Variants in TADA2A observed in about 807,000 individuals in gnomAD.
The protein encoded by TADA2A is transcriptional adaptor 2A.
Under a neutral mutation model 67.4 loss-of-function variants are expected in TADA2A, and 38 were observed. The observed-to-expected ratio is 0.56, with a 90% CI of 0.44 to 0.74. The LOEUF (loss-of-function observed/expected upper bound fraction) is 0.74. TADA2A is among the 30% of genes least tolerant of loss of function. TADA2A has a pLI of 0.00. For synonymous variants in TADA2A, 192 were observed against 181.6 expected (o/e 1.06, Z -0.46); for missense variants, 454 against 547.0 (o/e 0.83, Z 1.70).
At chr17:37,413,753 C>A (rs924952970) in intron 2 of TADA2A, among the ~76,000 whole-genome samples, 18 of 151,914 alleles carry the variant, frequency 1.2e-4, no homozygotes, top group African/African-American at 2.7e-4. Context: ...ATTCCCCCCC[C>A]ACCCCCTGCC....
chr17:37,457,384 T>C (rs1252944512), intron 8 of TADA2A, among the ~76,000 whole-genome samples: 1 of 151,732 alleles, frequency 6.6e-6, no homozygotes, highest in Admixed American at 6.6e-5. Context: ...TTTCACCATA[T>C]TGGCCAGGCT....
chr17:37,455,673 G>A (rs983616658), intron 8 of TADA2A, among the ~76,000 whole-genome samples: 22 of 152,144 alleles, frequency 1.4e-4, no homozygotes, highest in African/African-American at 3.4e-4. Flanking sequence ...GAGCCACTGC[G>A]CCTGGCCGCT....
intron 9 of TADA2A, 192 bp from the exon 10 acceptor site, chr17:37,461,886 C>T (rs1357602332): frequency 3.9e-6 from 2 of 508,400 alleles, no homozygotes; most frequent in African/African-American, 4.0e-5. Context: ...GAGGAAAAAC[C>T]CGTGATGCCT....
chr17:37,439,908 T>G (rs1208924131), intron 5 of TADA2A, among the ~76,000 whole-genome samples: 1 of 91,314 alleles, frequency 1.1e-5, no homozygotes, highest in Non-Finnish European at 2.0e-5. Flanking sequence ...CCAGTCATCT[T>G]TATTTATTTA....
At chr17:37,449,611 C>A (rs1257011905) in intron 8 of TADA2A, among the ~76,000 whole-genome samples, 2 of 138,698 alleles carry the variant, frequency 1.4e-5, no homozygotes, top group Admixed American at 8.0e-5. Context: ...GCTGTCTTTA[C>A]AATCTTGATT....
rs1181872839 is a variant in TADA2A at position 37,421,844 on chromosome 17, A to G, written c.26-1665A>G. Among the ~76,000 whole-genome samples, 3 of 32,696 alleles carry G rather than the reference A, an allele frequency of 9.2e-5. 1 individual carries two copies. Among genetic ancestry groups the G allele is most frequent in the African/African-American group, 3.1e-4 (1 of 3,196 alleles). The allele number at this position is 32,696 out of a possible 152,430, so 21.4% of individuals were successfully genotyped here. A position where few individuals can be genotyped will look rare whatever the true frequency, so the allele number is the denominator to read the frequency against. ...GCCCCAACTTTTTATAGAAAAGTCA[A>G]AAGAACAGTACAATGATGATGATGT... On this transcript the variant is annotated intron_variant, in intron 2 of 15. Transcript: ENST00000615182.
chr17:37,429,470 C>G (rs193133991), intron 4 of TADA2A, among the ~76,000 whole-genome samples: 1 of 151,836 alleles, frequency 6.6e-6, no homozygotes, highest in Admixed American at 6.6e-5. Flanking sequence ...AAAATAGAGA[C>G]AGGGTTTCTC....
intron 7 of TADA2A, among the ~76,000 whole-genome samples, chr17:37,444,200 A>C (rs536714231): frequency 1.1e-4 from 17 of 150,484 alleles, no homozygotes; most frequent in Non-Finnish European, 1.3e-4. Flanking sequence ...TCGAGGCTGC[A>C]GTGAGCCAAG....
chr17:37,471,158 A>AAC (rs1200348456), intron 14 of TADA2A, 21 bp downstream of exon 14: 1 of 1,612,868 alleles, frequency 6.2e-7, no homozygotes, highest in African/African-American at 1.3e-5. Context: ...CTCAGGCCAG[A>AAC]ACAAGTCTTA....
chr17:37,442,725 C>A, intron 7 of TADA2A, 73 bp downstream of exon 7: 1 of 1,352,804 alleles, frequency 7.4e-7, no homozygotes, highest in Admixed American at 1.9e-5. Flanking sequence ...CTGTCTCACC[C>A]ATAGATTCCA....
chr17:37,418,407 T>G (rs904340873), intron 2 of TADA2A, among the ~76,000 whole-genome samples: 1 of 152,076 alleles, frequency 6.6e-6, no homozygotes, highest in Non-Finnish European at 1.5e-5. Context: ...AAAAGGTACC[T>G]CCTCAGATTT....
At chr17:37,455,515 G>A (rs1475489159) in intron 8 of TADA2A, among the ~76,000 whole-genome samples, 3 of 151,944 alleles carry the variant, frequency 2.0e-5, no homozygotes, top group Non-Finnish European at 4.4e-5. Flanking sequence ...CTGAGTAGCT[G>A]GGACTACAGG....
intron 1 of TADA2A, chr17:37,407,816 T>G (rs1265060937): frequency 2.6e-5 from 4 of 152,284 alleles, no homozygotes; most frequent in African/African-American, 7.2e-5. Context: ...CTCGAACTCC[T>G]GACCTCAAGT....
chr17:37,413,820 T>G (rs936374899), intron 2 of TADA2A, among the ~76,000 whole-genome samples: 5 of 152,136 alleles, frequency 3.3e-5, no homozygotes, highest in Admixed American at 3.3e-4. Flanking sequence ...TATTTTAAGT[T>G]CAGGGGTACA....
At chr17:37,471,859 A>G (rs879235032) in intron 14 of TADA2A, among the ~76,000 whole-genome samples, 2 of 152,102 alleles carry the variant, frequency 1.3e-5, no homozygotes, top group Admixed American at 1.3e-4. Flanking sequence ...CTTGCCAGAA[A>G]CATAAGGATT....
At chr17:37,417,810 C>T (rs1456865314) in intron 2 of TADA2A, among the ~76,000 whole-genome samples, 4 of 152,136 alleles carry the variant, frequency 2.6e-5, no homozygotes, top group Admixed American at 2.6e-4. Context: ...GCTGGGATTA[C>T]AGGCATGAGC....
At chr17:37,455,400 G>A (rs537537282) in intron 8 of TADA2A, among the ~76,000 whole-genome samples, 1 of 146,434 alleles carries the variant, frequency 6.8e-6, no homozygotes, top group South Asian at 2.2e-4. Flanking sequence ...TTGTTTTTTT[G>A]AGACGGAGTC....
rs145834935 is a variant in TADA2A, at chr17:37,471,104, C to T, written c.1039C>T (p.Leu347=). ...TCTTCTTCGTTGTAGTGATTCCGGC[C>T]TGAGTCCTTCCATTCCAATGGCTTC... The part of the protein sequence containing the change: ...LRRQADIDSG[L]SPSIPMASNS... The change falls in exon 14 of 16, where the codon CTG becomes TTG. Residue 347 remains leucine, a synonymous_variant. Coordinates refer to ENST00000615182, the MANE Select transcript of TADA2A (RefSeq NM_001166105.3). 2 of 1,614,052 alleles carry T rather than the reference C, an allele frequency of 1.2e-6. No individual in the cohort carries two copies. The highest frequency in any genetic ancestry group is 2.7e-5 in the African/African-American group (2 of 74,928).
intron 7 of TADA2A, among the ~76,000 whole-genome samples, chr17:37,443,748 G>C (rs2052991553): frequency 6.6e-6 from 1 of 152,204 alleles, no homozygotes; most frequent in Non-Finnish European, 1.5e-5. Context: ...GAATACGCCT[G>C]TGTTCCAGTA....
Sources: gnomAD v4.1 joint callset for allele counts (sites outside exome capture counted in the v4.1 genomes callset) on GRCh38, gnomAD v4.1.1 for gene constraint, MANE v1.5 for transcripts, NCBI Gene and HGNC (gene_info 2026-07-23, HGNC 2026-07-21) for gene names.